Variants in ARHGAP5 observed in about 807,000 individuals in gnomAD.
ARHGAP5 encodes the protein Rho GTPase activating protein 5.
In ARHGAP5, 23 loss-of-function variants were observed where a neutral mutation model predicts 116.6. The ratio of observed to expected loss-of-function variants is 0.20; its 90% CI spans 0.14 to 0.28. The LOEUF is 0.28. Among genes scored for constraint, ARHGAP5 ranks in the 10% least tolerant of loss-of-function variants. ARHGAP5 has a pLI of 1.00. For missense variants in ARHGAP5, 1,405 were observed against 1,774.8 expected (o/e 0.79, Z 3.74); for synonymous variants, 574 against 602.0 (o/e 0.95, Z 0.68).
chr14:32,089,114 C>G (rs1023028789), intron 1 of ARHGAP5, among the ~76,000 whole-genome samples: 3 of 151,830 alleles, frequency 2.0e-5, no homozygotes, highest in East Asian at 3.8e-4. Context: ...ATGGAATAAA[C>G]TTCTAAAATA....
chr14:32,090,993 G>T lies in ARHGAP5; in HGVS notation c.324G>T (p.Arg108=). 1 of 1,613,612 alleles carries T rather than the reference G, an allele frequency of 6.2e-7. No homozygotes were observed. The change falls in exon 2 of 7, where the codon CGG becomes CGT. Residue 108 remains arginine (R), a synonymous_variant. Coordinates refer to ENST00000345122, the MANE Select transcript of ARHGAP5 (RefSeq NM_001030055.2). ...FIDDQTFLPH[R]STNLQPYIKR... is the part of the protein sequence containing the mutation. ...ATGACCAGACTTTCTTGCCTCATCGGAGTACGAATTTGCAACCATATATAA... is the reference window on the plus strand; with the variant it reads ...ATGACCAGACTTTCTTGCCTCATCGTAGTACGAATTTGCAACCATATATAA...
chr14:32,130,473 C>T (rs375319329), intron 3 of ARHGAP5, among the ~76,000 whole-genome samples: 3 of 151,602 alleles, frequency 2.0e-5, no homozygotes, highest in South Asian at 2.1e-4. Flanking sequence ...CCTTCCACCT[C>T]GGCCTCCCAA....
At chr14:32,078,807 TA>T (rs2041742128) in intron 1 of ARHGAP5, among the ~76,000 whole-genome samples, 1 of 152,232 alleles carries the variant, frequency 6.6e-6, no homozygotes, top group South Asian at 2.1e-4. Flanking sequence ...ATGTTTGGTT[TA>T]AAAATACGTT....
intron 1 of ARHGAP5, among the ~76,000 whole-genome samples, chr14:32,078,805 T>G (rs534237641): frequency 6.6e-6 from 1 of 152,342 alleles, no homozygotes; most frequent in African/African-American, 2.4e-5. Flanking sequence ...TAATGTTTGG[T>G]TTAAAAATAC....
intron 2 of ARHGAP5, among the ~76,000 whole-genome samples, chr14:32,114,246 C>T (rs376860460): frequency 6.6e-6 from 1 of 151,756 alleles, no homozygotes; most frequent in South Asian, 2.1e-4. Flanking sequence ...AAAAAATCTA[C>T]CCAAGTGTAA....
In ARHGAP5 at chr14:32,092,803, C is replaced by G. The variant is rs748591050; in HGVS notation, c.2134C>G (p.Pro712Ala). 36 of 1,613,876 alleles carry G rather than the reference C, an allele frequency of 2.2e-5. No individual in the cohort carries two copies. Among genetic ancestry groups the G allele is most frequent in the Non-Finnish European group, 7.6e-6 (9 of 1,179,876 alleles). Residue 712 changes from proline (P) to alanine (A), a missense_variant, in exon 2 of 7, where the codon CCA becomes GCA. Pro to Ala is a conservative substitution (Grantham distance 27, BLOSUM62 -1). This residue lies in a region of ARHGAP5 where 944 missense variants were observed against 1,095.3 expected (regional missense o/e 0.86). Transcript: ENST00000345122. This position sits in a 1 kb window ranked among gnomAD's most constrained non-coding sequence, Gnocchi z 4.1. Reference protein sequence around the residue: ...NQRDSISKNLPILRHQGQQLA... With the variant: ...NQRDSISKNLAILRHQGQQLA... ...GAGAGATTCCATTAGTAAGAATCTA[C>G]CAATTCTCAGGCACCAAGGGCAGCA... is the stretch of plus-strand genomic sequence containing the variant.
intron 3 of ARHGAP5, among the ~76,000 whole-genome samples, chr14:32,132,353 A>T (rs1330282160): frequency 3.3e-5 from 5 of 152,092 alleles, no homozygotes; most frequent in South Asian, 2.1e-4. Context: ...GAGCATTTTT[A>T]CATGTGTTTT....
intron 2 of ARHGAP5, among the ~76,000 whole-genome samples, chr14:32,106,802 A>G (rs1218215472): frequency 1.3e-5 from 2 of 152,222 alleles, no homozygotes; most frequent in Non-Finnish European, 2.9e-5. Flanking sequence ...GATTATGCAC[A>G]TAGTATTAAC....
Position 32,154,952 on chromosome 14 carries a change from G to C in ARHGAP5, c.*4G>C. ...GGATCCTCTTGGTATTATATGAGTA[G>C]GAAGTGATTGCAAACAGGCTGGATT... is the stretch of plus-strand genomic sequence containing the variant. On this transcript the variant is annotated 3_prime_UTR_variant, in exon 7 of 7. Coordinates refer to ENST00000345122, the MANE Select transcript of ARHGAP5 (RefSeq NM_001030055.2). 1 of 1,605,372 alleles carries C rather than the reference G, an allele frequency of 6.2e-7. No individual in the cohort carries two copies. The highest frequency in any genetic ancestry group is 8.5e-7 in the Non-Finnish European group (1 of 1,173,830).
At chr14:32,084,283 T>C (rs969062136) in intron 1 of ARHGAP5, among the ~76,000 whole-genome samples, 6 of 152,344 alleles carry the variant, frequency 3.9e-5, no homozygotes, top group African/African-American at 1.4e-4. Flanking sequence ...CCCAGAGTAC[T>C]GCCTACTTGG....
In ARHGAP5 at chr14:32,155,392, C is replaced by T. The variant is rs543994911; in HGVS notation, c.*444C>T. ...GCAACTTAATTTACATTCTGGCAGT[C>T]GGTGTAGATAACTAAAAGCCCAGTT... On this transcript the variant is annotated 3_prime_UTR_variant, in exon 7 of 7. Coordinates refer to ENST00000345122, the MANE Select transcript of ARHGAP5 (RefSeq NM_001030055.2). 3 of 154,800 alleles carry T rather than the reference C, an allele frequency of 1.9e-5. No individual in the cohort carries two copies. Among genetic ancestry groups the T allele is most frequent in the Middle Eastern group, 3.4e-3 (1 of 294 alleles). The allele number at this position is 154,800 out of a possible 1,614,324, so 9.6% of individuals were successfully genotyped here. A position where few individuals can be genotyped will look rare whatever the true frequency, so the allele number is the denominator to read the frequency against.
Position 32,090,612 on chromosome 14 carries a change from T to G in ARHGAP5, c.-58T>G. 2 of 1,422,686 alleles carry G rather than the reference T, an allele frequency of 1.4e-6. No homozygotes were observed. Among genetic ancestry groups the G allele is most frequent in the South Asian group, 2.8e-5 (2 of 70,964 alleles). 88.1% of individuals were successfully genotyped at this position (1,422,686 alleles called of 1,614,324 possible). A position where few individuals can be genotyped will look rare whatever the true frequency, so the allele number is the denominator to read the frequency against. On this transcript the variant is annotated 5_prime_UTR_variant, in exon 2 of 7. Coordinates refer to ENST00000345122, the MANE Select transcript of ARHGAP5 (RefSeq NM_001030055.2). Reference sequence around the variant, plus strand: ...TCTGTATTTTGAGATGATTTTATTTTCAGAATGAGAAGCATATCTGGTTAC... The same window carrying G: ...TCTGTATTTTGAGATGATTTTATTTGCAGAATGAGAAGCATATCTGGTTAC...
intron 3 of ARHGAP5, among the ~76,000 whole-genome samples, chr14:32,137,889 T>C (rs569662923): frequency 6.6e-6 from 1 of 151,792 alleles, no homozygotes; most frequent in Non-Finnish European, 1.5e-5. Context: ...GGAGAGTCCC[T>C]TGAACCCAGG....
chr14:32,126,270 A>G (rs184399215), intron 3 of ARHGAP5, among the ~76,000 whole-genome samples: 1 of 152,024 alleles, frequency 6.6e-6, no homozygotes, highest in East Asian at 1.9e-4. Flanking sequence ...ACAGTTCTGA[A>G]CGCTAGAAGT....
chr14:32,148,567 C>T (rs1366212255), intron 4 of ARHGAP5, among the ~76,000 whole-genome samples: 2 of 152,080 alleles, frequency 1.3e-5, no homozygotes, highest in African/African-American at 4.8e-5. Context: ...TGTATTAAAG[C>T]ATAGCATCAT....
intron 2 of ARHGAP5, among the ~76,000 whole-genome samples, chr14:32,097,090 A>T (rs989542156): frequency 6.6e-6 from 1 of 152,176 alleles, no homozygotes; most frequent in Non-Finnish European, 1.5e-5. Flanking sequence ...TGAAAACATG[A>T]ATGTGTTTGA....
intron 3 of ARHGAP5, among the ~76,000 whole-genome samples, chr14:32,131,163 G>C (rs376323289): frequency 6.0e-5 from 9 of 151,182 alleles, no homozygotes; most frequent in African/African-American, 2.2e-4. Flanking sequence ...AATTCTCCCA[G>C]TTGTCTCAAC....
At chr14:32,115,917 C>T (rs1365140731) in intron 2 of ARHGAP5, among the ~76,000 whole-genome samples, 1 of 151,100 alleles carries the variant, frequency 6.6e-6, no homozygotes, top group Non-Finnish European at 1.5e-5. Context: ...CTTGCTTGAA[C>T]CCGGGAGGCG....
chr14:32,135,261 A>G (rs1053803115), intron 3 of ARHGAP5, among the ~76,000 whole-genome samples: 3 of 152,242 alleles, frequency 2.0e-5, no homozygotes. Context: ...AGCAAACACT[A>G]ATGCAAAAAA....
Sources: gnomAD v4.1 joint callset for allele counts (sites outside exome capture counted in the v4.1 genomes callset) on GRCh38, gnomAD v4.1.1 for gene constraint, gnomAD v4.1.1 regional missense constraint, Gnocchi (gnomAD v3.1) non-coding constraint, MANE v1.5 for transcripts, NCBI Gene and HGNC (gene_info 2026-07-23, HGNC 2026-07-21) for gene names.